The following ACOT11 variants were observed in gnomAD, a reference collection of about 807,000 sequenced individuals.
ACOT11 encodes the protein acyl-coenzyme A thioesterase 11.
ACOT11 carries 69 observed loss-of-function variants against 77.5 expected under a neutral mutation model. That is an observed-to-expected ratio of 0.89 (90% confidence interval 0.73 to 1.09). ACOT11 has a LOEUF of 1.09. ACOT11 is among the 50% of genes least tolerant of loss of function. The pLI is 0.00. For missense variants in ACOT11, 766 were observed against 813.7 expected (o/e 0.94, Z 0.71); for synonymous variants, 279 against 313.0 (o/e 0.89, Z 1.15).
rs999485848 is a variant in ACOT11 at position 54,585,012 on chromosome 1, T to C, written c.241+150T>C. The C allele has an allele frequency of 4.5e-6, 4 of 879,846 alleles. No homozygotes were observed. In the African/African-American group the frequency reaches 6.7e-5, roughly 15 times the overall value. The allele number at this position is 879,846 out of a possible 1,614,324, so 54.5% of individuals were successfully genotyped here. On this transcript the variant is annotated intron_variant, in intron 2 of 15. Coordinates refer to ENST00000343744, the MANE Select transcript of ACOT11 (RefSeq NM_147161.4). ...GCTGGTCCCTTTGTCTGAAATGCCC[T>C]TCCTGATGTCTCAATGCTCAGCACA...
Position 54,585,905 on chromosome 1 carries a change from G to A in ACOT11, c.311+1G>A. Reference sequence around the variant, plus strand: ...ACATCTATTTTGAGCACACCATTAGGTAAGTGGCCCCTCCTGCCTCAAGGT... The same window carrying A: ...ACATCTATTTTGAGCACACCATTAGATAAGTGGCCCCTCCTGCCTCAAGGT... On this transcript the variant is annotated splice_donor_variant, in intron 3 of 15. Transcript: ENST00000343744. LOFTEE classifies it high-confidence loss of function. The A allele has an allele frequency of 1.2e-6, 2 of 1,614,008 alleles. No individual in the cohort carries two copies. The highest frequency in any genetic ancestry group is 1.7e-6 in the Non-Finnish European group (2 of 1,179,946).
chr1:54,601,499 C>T, intron 9 of ACOT11, 86 bp downstream of exon 9: 4 of 1,552,060 alleles, frequency 2.6e-6, no homozygotes, highest in Non-Finnish European at 3.5e-6. Flanking sequence ...CAGCCCCCTA[C>T]AGACCTAGAG....
At chr1:54,553,539 A>C (rs1434376518) in intron 1 of ACOT11, among the ~76,000 whole-genome samples, 1 of 152,124 alleles carries the variant, frequency 6.6e-6, no homozygotes, top group Non-Finnish European at 1.5e-5. Flanking sequence ...GATGTTTTGA[A>C]GTACGTATAC....
At chr1:54,553,668 C>T (rs1270652633) in intron 1 of ACOT11, among the ~76,000 whole-genome samples, 3 of 152,052 alleles carry the variant, frequency 2.0e-5, no homozygotes, top group African/African-American at 7.2e-5. Flanking sequence ...TTGTCATTAA[C>T]CATATCACCT....
Position 54,554,868 on chromosome 1 carries a change from T to C in ACOT11, c.33+6526T>C, listed in dbSNP as rs202173932. ...GGAACCTCCATACTGTTTTCCATAA[T>C]GGCTGTACCAATTTACATTCCCATG... On this transcript the variant is annotated intron_variant, in intron 1 of 15. Transcript: ENST00000343744. 4.6e-5 allele frequency among the ~76,000 whole-genome samples: 7 copies of C among 152,358 alleles called. No individual in the cohort carries two copies. The East Asian group carries it at 1.4e-3, about 29-fold the overall frequency.
intron 12 of ACOT11, among the ~76,000 whole-genome samples, chr1:54,604,638 C>G (rs913387788): frequency 6.6e-6 from 1 of 152,162 alleles, no homozygotes; most frequent in African/African-American, 2.4e-5. Flanking sequence ...CTCCTGCCTG[C>G]CCCCCTTCCT....
chr1:54,600,555 C>T lies in ACOT11; in HGVS notation c.885-714C>T, dbSNP rs567938840. On this transcript the variant is annotated intron_variant, in intron 8 of 15. Transcript: ENST00000343744. ...AAAAATGAGCCAGGCATGGTGCACA[C>T]ACCTGTAATCCCAGCTACTCAGGAG... Among the ~76,000 whole-genome samples the T allele has an allele frequency of 1.2e-3, 186 of 152,302 alleles. 4 individuals carry two copies. The South Asian group carries it at 0.013, about 11-fold the overall frequency.
chr1:54,569,112 C>T (rs543489267), intron 1 of ACOT11, among the ~76,000 whole-genome samples: 13 of 130,030 alleles, frequency 1.0e-4, no homozygotes, highest in African/African-American at 3.9e-4. Context: ...AAGACTCTCT[C>T]GAAAAAAAAA....
At chr1:54,614,873 A>G (rs1172726832), downstream of ACOT11, 2 of 1,611,732 alleles carry the variant, frequency 1.2e-6, no homozygotes, top group African/African-American at 1.3e-5. Flanking sequence ...TGGGGAAAGG[A>G]ACAAGGGCTT....
chr1:54,586,739 T>A (rs1313633536), intron 3 of ACOT11, among the ~76,000 whole-genome samples: 2 of 152,050 alleles, frequency 1.3e-5, no homozygotes, highest in Admixed American at 6.6e-5. Flanking sequence ...TGGCCTTTTC[T>A]TTTCTTTTCT....
chr1:54,609,656 T>C lies in ACOT11; in HGVS notation c.*544T>C, dbSNP rs913221290. 4 of 1,613,894 alleles carry C rather than the reference T, an allele frequency of 2.5e-6. No homozygotes were observed. The highest frequency in any genetic ancestry group is 2.7e-5 in the African/African-American group (2 of 74,946). ...TGTAAGCAGCTCTCTGCCAGCCACATGGCCGGGGACCGAAAAACTCCCGTG... is the reference window on the plus strand; with the variant it reads ...TGTAAGCAGCTCTCTGCCAGCCACACGGCCGGGGACCGAAAAACTCCCGTG... On this transcript the variant is annotated 3_prime_UTR_variant, in exon 16 of 16. Coordinates refer to ENST00000343744, the MANE Select transcript of ACOT11 (RefSeq NM_147161.4).
intron 15 of ACOT11, among the ~76,000 whole-genome samples, chr1:54,625,357 G>A (rs1259394627): frequency 1.3e-5 from 2 of 152,198 alleles, no homozygotes; most frequent in Non-Finnish European, 2.9e-5. Context: ...TCAGGAGACA[G>A]TAAGGGGGCT....
chr1:54,562,137 A>G (rs1569652555), intron 1 of ACOT11, among the ~76,000 whole-genome samples: 1 of 48,950 alleles, frequency 2.0e-5, no homozygotes, highest in African/African-American at 1.9e-4. Context: ...GGCCGGGCAG[A>G]GGGGCTCCTC....
intron 1 of ACOT11, among the ~76,000 whole-genome samples, chr1:54,568,390 G>A (rs1395830869): frequency 5.9e-5 from 6 of 101,474 alleles, no homozygotes; most frequent in Non-Finnish European, 1.1e-4. Context: ...TTGAGACGGA[G>A]TTTTGTTCTT....
At chr1:54,583,924 A>G (rs1327143390) in intron 1 of ACOT11, among the ~76,000 whole-genome samples, 1 of 152,078 alleles carries the variant, frequency 6.6e-6, no homozygotes, top group East Asian at 1.9e-4. Flanking sequence ...CCTCCCTTCC[A>G]AAGGACTGAT....
At chr1:54,604,044 A>G in intron 11 of ACOT11, 107 bp downstream of exon 11, 1 of 1,025,180 alleles carries the variant, frequency 9.8e-7, no homozygotes, top group Non-Finnish European at 1.5e-6. Flanking sequence ...CAGGATATGA[A>G]TGACACGCCT....
intron 1 of ACOT11, among the ~76,000 whole-genome samples, chr1:54,559,491 G>T (rs891446708): frequency 2.6e-5 from 4 of 152,218 alleles, no homozygotes; most frequent in Non-Finnish European, 4.4e-5. Flanking sequence ...TTCCTAATAT[G>T]AACCAGTTCT....
At chr1:54,604,657 C>G (rs1237636404) in intron 12 of ACOT11, among the ~76,000 whole-genome samples, 1 of 152,190 alleles carries the variant, frequency 6.6e-6, no homozygotes, top group Non-Finnish European at 1.5e-5. Context: ...CTGTTCTCAA[C>G]CACTCAGGTC....
chr1:54,575,712 C>A (rs1216908508), intron 1 of ACOT11, among the ~76,000 whole-genome samples: 6 of 152,186 alleles, frequency 3.9e-5, no homozygotes, highest in Admixed American at 1.3e-4. Context: ...ATTAATTGAA[C>A]CTTGTCACAA....
Sources: allele counts gnomAD v4.1 joint callset (sites outside exome capture counted in the v4.1 genomes callset), GRCh38; gene constraint gnomAD v4.1.1; transcripts MANE v1.5; gene names NCBI Gene and HGNC (gene_info 2026-07-23, HGNC 2026-07-21).